SRGAP1: variants seen among roughly 807,000 people sequenced by gnomAD.
SRGAP1 encodes the protein SLIT-ROBO Rho GTPase-activating protein 1.
A neutral mutation model predicts 121.9 loss-of-function variants in SRGAP1; 43 were observed. The observed-to-expected ratio is 0.35, with a 90% CI of 0.28 to 0.46. The LOEUF is 0.46. SRGAP1 is among the 20% of genes least tolerant of loss of function. The pLI is 1.00. For missense variants in SRGAP1, 1,102 were observed against 1,350.9 expected (o/e 0.82, Z 2.89); for synonymous variants, 447 against 485.4 (o/e 0.92, Z 1.04).
intron 6 of SRGAP1, among the ~76,000 whole-genome samples, chr12:64,054,785 G>A (rs2035307950): frequency 6.6e-6 from 1 of 151,132 alleles, no homozygotes; most frequent in Non-Finnish European, 1.5e-5. Flanking sequence ...TGTGCACATT[G>A]TGCAGGTTAG....
chr12:64,002,327 G>A (rs1201472116), intron 3 of SRGAP1, among the ~76,000 whole-genome samples: 3 of 152,178 alleles, frequency 2.0e-5, no homozygotes, highest in Non-Finnish European at 2.9e-5. Context: ...TTTCCTCCCT[G>A]ATCAGAGGAG....
chr12:63,995,630 A>G (rs957911358), intron 3 of SRGAP1, among the ~76,000 whole-genome samples: 1 of 152,186 alleles, frequency 6.6e-6, no homozygotes, highest in Admixed American at 6.6e-5. Context: ...ACATTTGTCA[A>G]TCATCCAAGT....
At chr12:63,848,372 G>A (rs1898972472) in intron 1 of SRGAP1, among the ~76,000 whole-genome samples, 2 of 151,938 alleles carry the variant, frequency 1.3e-5, no homozygotes, top group Non-Finnish European at 2.9e-5. Context: ...ACTTCATGGG[G>A]CTATTCTTAA....
At chr12:64,058,242 C>G (rs1344377282) in intron 6 of SRGAP1, among the ~76,000 whole-genome samples, 2 of 152,146 alleles carry the variant, frequency 1.3e-5, no homozygotes, top group East Asian at 3.8e-4. Flanking sequence ...AATAGAGGAG[C>G]ATCTAGACTT....
At chr12:64,008,710 T>C (rs1312419497) in intron 3 of SRGAP1, among the ~76,000 whole-genome samples, 1 of 152,168 alleles carries the variant, frequency 6.6e-6, no homozygotes, top group Non-Finnish European at 1.5e-5. Flanking sequence ...TAAAAATTAG[T>C]AGAATTAATG....
intron 4 of SRGAP1, among the ~76,000 whole-genome samples, chr12:64,029,429 G>A (rs2034725313): frequency 6.6e-6 from 1 of 152,174 alleles, no homozygotes; most frequent in Admixed American, 6.5e-5. Context: ...ACACAGCCCT[G>A]TGATCAGGGA....
At chr12:64,120,048 G>A (rs2036581610) in intron 18 of SRGAP1, among the ~76,000 whole-genome samples, 1 of 152,112 alleles carries the variant, frequency 6.6e-6, no homozygotes, top group South Asian at 2.1e-4. Context: ...TGGGATTACA[G>A]GTGTGAGCCA....
chr12:64,113,715 A>T (rs1046484928), intron 17 of SRGAP1, among the ~76,000 whole-genome samples: 4 of 152,204 alleles, frequency 2.6e-5, no homozygotes, highest in African/African-American at 9.6e-5. Context: ...CTTAGTGCAC[A>T]TGATCTCTTT....
intron 16 of SRGAP1, 52 bp downstream of exon 16, chr12:64,109,089 C>T (rs1200658651): frequency 8.1e-7 from 1 of 1,241,732 alleles, no homozygotes; most frequent in South Asian, 1.8e-5. Context: ...TGTCTTTGTT[C>T]TTCGATCCTG....
At chr12:64,099,587 A>C (rs2036222514) in intron 15 of SRGAP1, among the ~76,000 whole-genome samples, 1 of 152,168 alleles carries the variant, frequency 6.6e-6, no homozygotes, top group South Asian at 2.1e-4. Flanking sequence ...GTACAGCTGC[A>C]CGTCCATTCC....
At chr12:64,028,420 C>T (rs887824070) in intron 4 of SRGAP1, among the ~76,000 whole-genome samples, 2 of 152,228 alleles carry the variant, frequency 1.3e-5, no homozygotes, top group Non-Finnish European at 1.5e-5. Flanking sequence ...CTCGGCTCCC[C>T]GGCCTCTCAG....
Position 64,111,889 on chromosome 12 carries a change from A to G in SRGAP1, c.2047A>G (p.Ile683Val). ...VSCQAHVNEI[I>V]KTIIIHHETI... is the part of the protein sequence containing the mutation. ...TTGCCAGGCACATGTGAATGAAATT[A>G]TCAAAACCATCATCATCCACCATGA... Residue 683 changes from isoleucine to valine, a missense_variant, in exon 17 of 22, where the codon ATC becomes GTC. Transcript: ENST00000355086. 6.2e-7 allele frequency: 1 copy of G among 1,614,110 alleles called. No homozygotes were observed. Among genetic ancestry groups the G allele is most frequent in the Non-Finnish European group, 8.5e-7 (1 of 1,180,000 alleles).
At chr12:64,121,576 C>T (rs533115959) in intron 18 of SRGAP1, among the ~76,000 whole-genome samples, 1 of 152,068 alleles carries the variant, frequency 6.6e-6, no homozygotes, top group Non-Finnish European at 1.5e-5. Flanking sequence ...TTTTGAAAGT[C>T]TCTGAGTCCT....
chr12:63,880,980 A>G (rs967968971), intron 1 of SRGAP1, among the ~76,000 whole-genome samples: 1 of 152,186 alleles, frequency 6.6e-6, no homozygotes, highest in Non-Finnish European at 1.5e-5. Context: ...CAACCGGATC[A>G]GGAGTAGGGG....
intron 8 of SRGAP1, among the ~76,000 whole-genome samples, chr12:64,071,060 T>G (rs972597182): frequency 6.6e-6 from 1 of 152,214 alleles, no homozygotes; most frequent in Non-Finnish European, 1.5e-5. Flanking sequence ...ACTGATGAGC[T>G]AACAGGAAAA....
intron 1 of SRGAP1, among the ~76,000 whole-genome samples, chr12:63,858,202 GTGTC>G (rs1169204233): frequency 1.3e-5 from 2 of 150,920 alleles, no homozygotes; most frequent in Admixed American, 6.6e-5. Flanking sequence ...GTGTGTGTGT[GTGTC>G]TGTCTGTCTG....
At chr12:63,846,654 C>T (rs910958442) in intron 1 of SRGAP1, among the ~76,000 whole-genome samples, 1 of 152,102 alleles carries the variant, frequency 6.6e-6, no homozygotes, top group African/African-American at 2.4e-5. Context: ...TCCCTATTTC[C>T]TTCAACACTT....
chr12:64,025,537 A>G (rs1338843977), intron 4 of SRGAP1, among the ~76,000 whole-genome samples: 1 of 152,228 alleles, frequency 6.6e-6, no homozygotes, highest in Non-Finnish European at 1.5e-5. Context: ...GACAGACTAC[A>G]GAGGCCTGGG....
At chr12:64,006,461 G>A (rs2034084371) in intron 3 of SRGAP1, among the ~76,000 whole-genome samples, 1 of 152,172 alleles carries the variant, frequency 6.6e-6, no homozygotes, top group Admixed American at 6.5e-5. Flanking sequence ...CTGAGGTCTG[G>A]AGAGGCAGGC....
Sources: allele counts gnomAD v4.1 joint callset (sites outside exome capture counted in the v4.1 genomes callset), GRCh38; gene constraint gnomAD v4.1.1; transcripts MANE v1.5; gene names NCBI Gene and HGNC (gene_info 2026-07-23, HGNC 2026-07-21).